The following GRM5 variants were observed in gnomAD, a reference collection of about 807,000 sequenced individuals.
GRM5 encodes the protein glutamate metabotropic receptor 5.
GRM5 carries 19 observed loss-of-function variants against 83.1 expected under a neutral mutation model. The observed-to-expected ratio is 0.23, with a 90% CI of 0.16 to 0.34. The LOEUF (loss-of-function observed/expected upper bound fraction) is 0.34. Among genes scored for constraint, GRM5 ranks in the 10% least tolerant of loss-of-function variants. The probability of loss-of-function intolerance (pLI) is 1.00; values close to 1 mark genes in which losing one functional copy is unlikely to be tolerated. For synonymous variants in GRM5, 675 were observed against 633.6 expected (o/e 1.07, Z -0.98); for missense variants, 1,160 against 1,588.3 (o/e 0.73, Z 4.58).
chr11:88,831,027 C>G (rs921590656), intron 3 of GRM5, among the ~76,000 whole-genome samples: 1 of 152,190 alleles, frequency 6.6e-6, no homozygotes, highest in East Asian at 1.9e-4. Context: ...CACCGAGGCC[C>G]TCCCACAACA....
At chr11:88,708,968 G>T (rs1282390699) in intron 3 of GRM5, among the ~76,000 whole-genome samples, 2 of 152,000 alleles carry the variant, frequency 1.3e-5, no homozygotes, top group Non-Finnish European at 2.9e-5. Context: ...GAAGTAAACA[G>T]AAAATTATAA....
chr11:88,780,238 A>G (rs967250431), intron 3 of GRM5, among the ~76,000 whole-genome samples: 6 of 152,162 alleles, frequency 3.9e-5, no homozygotes, highest in African/African-American at 1.4e-4. Flanking sequence ...GGGCTGCTTT[A>G]TACTACACTG....
In GRM5 at chr11:88,742,332, A is replaced by G. The variant is rs76851560; in HGVS notation, c.912-88929T>C. ...CAGGAATAATATCATCAAAATTATA[A>G]AAAACAATTTTCTGAAATAAGCAGG... On this transcript the variant is annotated intron_variant, in intron 3 of 9. Transcript: ENST00000305447. Among the ~76,000 whole-genome samples the G allele has an allele frequency of 1.7e-3, 265 of 152,238 alleles. 8 individuals are homozygous for G. In the East Asian group the frequency reaches 0.046, roughly 26 times the overall value.
At chr11:88,575,214 A>T (rs1218146936) in intron 7 of GRM5, among the ~76,000 whole-genome samples, 1 of 152,176 alleles carries the variant, frequency 6.6e-6, no homozygotes, top group Non-Finnish European at 1.5e-5. Flanking sequence ...TGTCAGTATC[A>T]AAAGAAAAAA....
intron 3 of GRM5, among the ~76,000 whole-genome samples, chr11:88,802,682 C>T (rs1379080920): frequency 6.6e-6 from 1 of 151,642 alleles, no homozygotes; most frequent in Non-Finnish European, 1.5e-5. Context: ...AAGTTCTGGC[C>T]AGGGCAATTA....
At chr11:88,944,738 CA>C (rs1276391350) in intron 2 of GRM5, among the ~76,000 whole-genome samples, 3 of 151,782 alleles carry the variant, frequency 2.0e-5, no homozygotes, top group African/African-American at 7.3e-5. Flanking sequence ...CCAGCTATGA[CA>C]AAACCACCGC....
chr11:88,991,901 A>G (rs1167988692), intron 2 of GRM5, among the ~76,000 whole-genome samples: 6 of 152,204 alleles, frequency 3.9e-5, no homozygotes, highest in African/African-American at 1.2e-4. Context: ...ACCTAAAACC[A>G]TAAAAACCCT....
intron 3 of GRM5, among the ~76,000 whole-genome samples, chr11:88,699,399 G>A (rs912133472): frequency 6.6e-5 from 10 of 152,234 alleles, no homozygotes; most frequent in African/African-American, 2.2e-4. Context: ...TTTAAAATGT[G>A]TGCAGTAGAA....
chr11:88,915,902 T>C (rs1255613598), intron 2 of GRM5, among the ~76,000 whole-genome samples: 1 of 152,182 alleles, frequency 6.6e-6, no homozygotes, highest in East Asian at 1.9e-4. Flanking sequence ...GGCCGAATAG[T>C]CTTTTATCTT....
chr11:88,618,711 G>A (rs747046795), intron 4 of GRM5, among the ~76,000 whole-genome samples: 6 of 152,006 alleles, frequency 3.9e-5, no homozygotes, highest in Admixed American at 6.6e-5. Flanking sequence ...TCTTAAGTGC[G>A]CATAATAAAA....
intron 4 of GRM5, among the ~76,000 whole-genome samples, chr11:88,619,323 G>A (rs1425598326): frequency 6.6e-6 from 1 of 152,170 alleles, no homozygotes; most frequent in Non-Finnish European, 1.5e-5. Flanking sequence ...TTGGCCTTTA[G>A]ATATGTTTTA....
intron 3 of GRM5, among the ~76,000 whole-genome samples, chr11:88,764,293 TACA>T (rs1276569615): frequency 4.0e-5 from 6 of 151,522 alleles, no homozygotes; most frequent in Admixed American, 1.3e-4. Context: ...CAATAATGAT[TACA>T]ACAACAAGAC....
chr11:88,700,810 G>A (rs1941015855), intron 3 of GRM5, among the ~76,000 whole-genome samples: 1 of 152,146 alleles, frequency 6.6e-6, no homozygotes, highest in East Asian at 1.9e-4. Context: ...ATACAGCAAT[G>A]GGACAGGCTC....
rs138398283 is a variant in GRM5 at position 88,784,820 on chromosome 11, G to A, written c.911+65086C>T. On this transcript the variant is annotated intron_variant, in intron 3 of 9. Transcript: ENST00000305447. The stretch of plus-strand genomic sequence containing the variant: ...CCGATTAGCAGATACAGGGCTGCCC[G>A]TCTTTGGGAATGTTAATCTCTGGTC... Among the ~76,000 whole-genome samples, 581 of 152,088 alleles carry A rather than the reference G, an allele frequency of 3.8e-3. 2 individuals carry two copies. Among genetic ancestry groups the A allele is most frequent in the African/African-American group, 0.013 (537 of 41,518 alleles).
intron 2 of GRM5, among the ~76,000 whole-genome samples, chr11:88,983,890 C>T (rs968576390): frequency 2.0e-5 from 3 of 151,118 alleles, no homozygotes; most frequent in South Asian, 2.1e-4. Flanking sequence ...CTTTGTAGAC[C>T]GAAGCTAATG....
chr11:88,982,323 T>C (rs1468671981), intron 2 of GRM5, among the ~76,000 whole-genome samples: 2 of 152,154 alleles, frequency 1.3e-5, no homozygotes, highest in Non-Finnish European at 2.9e-5. Flanking sequence ...TAATACAATC[T>C]AAAAAATACA....
chr11:89,063,521 G>A (rs1942040665), intron 1 of GRM5: 1 of 152,370 alleles, frequency 6.6e-6, no homozygotes, highest in South Asian at 2.1e-4. Context: ...ACTCGGTCTA[G>A]CTAGCCCCCC....
intron 2 of GRM5, among the ~76,000 whole-genome samples, chr11:89,020,421 A>G (rs1032618060): frequency 5.3e-5 from 8 of 152,258 alleles, no homozygotes; most frequent in Non-Finnish European, 1.2e-4. Flanking sequence ...AAATAGTAGA[A>G]GTCCATACTA....
chr11:88,598,319 A>G (rs948865363), intron 5 of GRM5, among the ~76,000 whole-genome samples: 9 of 152,168 alleles, frequency 5.9e-5, no homozygotes, highest in Admixed American at 4.6e-4. Context: ...TGAGATTACT[A>G]TACACAAACC....
Sources: gnomAD v4.1 joint callset for allele counts (sites outside exome capture counted in the v4.1 genomes callset) on GRCh38, gnomAD v4.1.1 for gene constraint, MANE v1.5 for transcripts, NCBI Gene and HGNC (gene_info 2026-07-23, HGNC 2026-07-21) for gene names.